MYZAP: variants seen among roughly 807,000 people sequenced by gnomAD.
MYZAP encodes myocardial zonula adherens protein.
MYZAP carries 66 observed loss-of-function variants against 69.4 expected under a neutral mutation model. The ratio of observed to expected loss-of-function variants is 0.95; its 90% CI spans 0.78 to 1.17. MYZAP has a LOEUF of 1.17. Ranked by LOEUF, MYZAP falls within the 50% of genes most tolerant of loss-of-function variation. The pLI, the probability that MYZAP is intolerant of heterozygous loss-of-function variation, is 0.00. For missense variants in MYZAP, 611 were observed against 556.2 expected (o/e 1.10, Z -0.99); for synonymous variants, 256 against 205.9 (o/e 1.24, Z -2.09).
Position 57,684,423 on chromosome 15 carries a change from A to G in MYZAP, c.1326A>G (p.Glu442=). Residue 442 remains glutamate, a synonymous_variant, in exon 13 of 13, where the codon GAA becomes GAG. Transcript: ENST00000267853. ...LLPSQTGRTR[E]IVMPSRNYTP... is the part of the protein sequence containing the mutation. Reference sequence around the variant, plus strand: ...TCAGCCAAACAGGCAGGACTCGTGAAATTGTGATGCCTTCTAGGAACTACA... The same window carrying G: ...TCAGCCAAACAGGCAGGACTCGTGAGATTGTGATGCCTTCTAGGAACTACA... 3 of 1,613,054 alleles carry G rather than the reference A, an allele frequency of 1.9e-6. No individual in the cohort carries two copies. Among genetic ancestry groups the G allele is most frequent in the Non-Finnish European group, 2.5e-6 (3 of 1,179,676 alleles).
At position 57,621,695 on chromosome 15, in the gene MYZAP, C is replaced by G. The variant is rs199650252; in HGVS notation, c.406C>G (p.Leu136Val). Residue 136 changes from leucine to valine, a missense_variant, in exon 4 of 13, where the codon CTA becomes GTA. Transcript: ENST00000267853. ...GAAGATTCGACAGCTCACCCAGGAA[C>G]TATCAGTAAGTCATTATCTCAGTTG... Reference protein sequence around the residue: ...RQKIRQLTQELSVSHAQQEYL... With the variant: ...RQKIRQLTQEVSVSHAQQEYL... 6.2e-7 allele frequency: 1 copy of G among 1,613,690 alleles called. No individual in the cohort carries two copies. The highest frequency in any genetic ancestry group is 1.3e-5 in the African/African-American group (1 of 75,014).
At chr15:57,617,929 G>A (rs1480856502) in intron 2 of MYZAP, 104 bp from the exon 3 acceptor site, 11 of 1,432,498 alleles carry the variant, frequency 7.7e-6, no homozygotes, top group Non-Finnish European at 1.0e-5. Flanking sequence ...GGCAATGAGT[G>A]CTGGGCACAA....
intron 1 of MYZAP, among the ~76,000 whole-genome samples, chr15:57,597,276 C>A (rs560134237): frequency 3.9e-4 from 60 of 152,316 alleles, no homozygotes; most frequent in African/African-American, 1.3e-3. Flanking sequence ...CACAGAATCA[C>A]TGGGAGGCTT....
intron 11 of MYZAP, among the ~76,000 whole-genome samples, chr15:57,673,463 C>CGTGTGTGTGTGTGTGTGTGT (rs3051249): frequency 9.7e-6 from 1 of 102,588 alleles, no homozygotes; most frequent in Non-Finnish European, 2.0e-5. Flanking sequence ...TGCGTGCATG[C>CGTGTGTGTGTGTGTGTGTGT]GTGTGTGTGT....
intron 10 of MYZAP, 48 bp downstream of exon 10, chr15:57,639,593 G>T: frequency 6.3e-7 from 1 of 1,581,240 alleles, no homozygotes; most frequent in South Asian, 1.1e-5. Context: ...TCCTGTGGTG[G>T]GGAAGCATCC....
intron 12 of MYZAP, among the ~76,000 whole-genome samples, chr15:57,676,981 A>G (rs746347527): frequency 4.6e-5 from 7 of 152,242 alleles, no homozygotes; most frequent in Non-Finnish European, 7.3e-5. Context: ...TGAAAACTAC[A>G]TATCCGTGTT....
intron 2 of MYZAP, among the ~76,000 whole-genome samples, chr15:57,608,695 G>T (rs1337366383): frequency 6.6e-6 from 1 of 152,194 alleles, no homozygotes; most frequent in African/African-American, 2.4e-5. Context: ...GATTAAAGAG[G>T]TAATGACTAA....
chr15:57,594,896 C>T (rs1313424684), intron 1 of MYZAP, among the ~76,000 whole-genome samples: 3 of 152,192 alleles, frequency 2.0e-5, no homozygotes, highest in African/African-American at 7.2e-5. Flanking sequence ...CTGTATTGTT[C>T]TGTTATTCCT....
At chr15:57,608,109 C>T (rs928576655) in intron 2 of MYZAP, among the ~76,000 whole-genome samples, 7 of 152,170 alleles carry the variant, frequency 4.6e-5, no homozygotes, top group Non-Finnish European at 1.0e-4. Flanking sequence ...GTAAATGGCC[C>T]GATTGACTTC....
intron 10 of MYZAP, among the ~76,000 whole-genome samples, chr15:57,660,541 C>A (rs867175294): frequency 6.6e-6 from 1 of 152,118 alleles, no homozygotes; most frequent in Non-Finnish European, 1.5e-5. Flanking sequence ...TCTTGAACTC[C>A]TAGGCTCAAG....
At chr15:57,677,071 AGTCTGG>A (rs2039175327) in intron 12 of MYZAP, among the ~76,000 whole-genome samples, 1 of 152,214 alleles carries the variant, frequency 6.6e-6, no homozygotes, top group Non-Finnish European at 1.5e-5. Context: ...GCGCCAGGGA[AGTCTGG>A]GTGGGGAGGA....
At chr15:57,682,310 T>C (rs1231776561) in intron 12 of MYZAP, among the ~76,000 whole-genome samples, 1 of 152,186 alleles carries the variant, frequency 6.6e-6, no homozygotes, top group Non-Finnish European at 1.5e-5. Flanking sequence ...CATTTCTGCC[T>C]GTTTAGTCAC....
intron 12 of MYZAP, among the ~76,000 whole-genome samples, chr15:57,684,134 G>T (rs1340399334): frequency 7.4e-5 from 11 of 148,740 alleles, no homozygotes; most frequent in Non-Finnish European, 1.6e-4. Flanking sequence ...ATTCATGAGG[G>T]CTCCACCCTC....
intron 1 of MYZAP, among the ~76,000 whole-genome samples, chr15:57,595,974 A>G (rs1195593940): frequency 6.6e-6 from 1 of 152,192 alleles, no homozygotes; most frequent in Admixed American, 6.5e-5. Flanking sequence ...CCTCTGGGCT[A>G]AGGGCAGGGC....
intron 12 of MYZAP, among the ~76,000 whole-genome samples, chr15:57,679,830 C>T (rs77008298): frequency 0.024 from 3,592 of 152,294 alleles, 65 homozygotes; most frequent in Non-Finnish European, 0.032. Context: ...TTGTTCCCCA[C>T]AGCCTTCTGG....
At chr15:57,665,012 G>A (rs187879939) in intron 11 of MYZAP, among the ~76,000 whole-genome samples, 29 of 152,260 alleles carry the variant, frequency 1.9e-4, no homozygotes, top group African/African-American at 4.3e-4. Flanking sequence ...AATTGCCTGC[G>A]TCCCAGGGAC....
At chr15:57,665,177 G>A (rs1257563315) in intron 11 of MYZAP, among the ~76,000 whole-genome samples, 1 of 152,224 alleles carries the variant, frequency 6.6e-6, no homozygotes, top group Admixed American at 6.5e-5. Flanking sequence ...GTGAACATGA[G>A]CAGGGATTGT....
In MYZAP at chr15:57,685,308, G is replaced by A. The variant is rs2140695208; in HGVS notation, c.*810G>A. The A allele has an allele frequency of 6.6e-6, 1 of 152,144 alleles. No homozygotes were observed. The highest frequency in any genetic ancestry group is 1.5e-5 in the Non-Finnish European group (1 of 68,014). 9.4% of individuals were successfully genotyped at this position (152,144 alleles called of 1,614,324 possible). A position where few individuals can be genotyped will look rare whatever the true frequency, so the allele number is the denominator to read the frequency against. On this transcript the variant is annotated 3_prime_UTR_variant, in exon 13 of 13. Transcript: ENST00000267853. ...CATCTGTTCATGCATGCTCTACTTT[G>A]ATATTATAACCTATGTCACATGTGT...
In MYZAP at chr15:57,667,427, C is replaced by T. The variant is rs190656355; in HGVS notation, c.1203+5894C>T. On this transcript the variant is annotated intron_variant, in intron 11 of 12. Transcript: ENST00000267853. ...CCTCCCAAGCCATTGGGTTGGTATT[C>T]GTTACACATATAAACACAAGGGGGT... Among the ~76,000 whole-genome samples, 9 of 152,204 alleles carry T rather than the reference C, an allele frequency of 5.9e-5. No individual in the cohort carries two copies. In the East Asian group the frequency reaches 1.4e-3, roughly 23 times the overall value.
Sources: allele counts gnomAD v4.1 joint callset (sites outside exome capture counted in the v4.1 genomes callset), GRCh38; gene constraint gnomAD v4.1.1; transcripts MANE v1.5; gene names NCBI Gene and HGNC (gene_info 2026-07-23, HGNC 2026-07-21).